GOLPH3: variants seen among roughly 807,000 people sequenced by gnomAD.
GOLPH3 encodes the protein coat protein GPP34.
GOLPH3 carries 14 observed loss-of-function variants against 28.5 expected under a neutral mutation model. That is an observed-to-expected ratio of 0.49 (90% CI 0.32 to 0.77). GOLPH3 has a LOEUF of 0.77. GOLPH3 is among the 30% of genes least tolerant of loss of function. The probability of loss-of-function intolerance (pLI) is 0.03; values close to 1 mark genes in which losing one functional copy is unlikely to be tolerated. For missense variants in GOLPH3, 350 were observed against 393.7 expected (o/e 0.89, Z 0.94); for synonymous variants, 158 against 159.2 (o/e 0.99, Z 0.06).
chr5:32,158,116 AAAT>A lies in GOLPH3; in HGVS notation c.226-14239_226-14237del, dbSNP rs1282480252. On this transcript the variant is annotated intron_variant, in intron 1 of 3. Transcript: ENST00000265070. ...AAAATAAATAAATAAATAAATAAATAAATAAATAAATAAAATACACACACACAC... is the reference window on the plus strand; with the variant it reads ...AAAATAAATAAATAAATAAATAAATAAAATAAATAAAATACACACACACAC... 5.0e-3 allele frequency among the ~76,000 whole-genome samples: 582 copies of A among 117,244 alleles called. 63 individuals are homozygous for A. Among genetic ancestry groups the A allele is most frequent in the African/African-American group, 0.02 (554 of 27,240 alleles). The allele number at this position is 117,244 out of a possible 152,430, so 76.9% of individuals were successfully genotyped here.
intron 3 of GOLPH3, among the ~76,000 whole-genome samples, chr5:32,133,149 T>C (rs1348926725): frequency 1.3e-5 from 2 of 152,258 alleles, no homozygotes; most frequent in East Asian, 3.8e-4. Flanking sequence ...TGTGTTTACA[T>C]ACTTGTGAGA....
At chr5:32,140,863 T>TA (rs1179597874) in intron 2 of GOLPH3, among the ~76,000 whole-genome samples, 1 of 150,882 alleles carries the variant, frequency 6.6e-6, no homozygotes, top group Non-Finnish European at 1.5e-5. Context: ...CGCAACTCTG[T>TA]ATACTAGAAA....
chr5:32,174,068 G>A lies in GOLPH3; in HGVS notation c.-34C>T, dbSNP rs1320285922. On this transcript the variant is annotated 5_prime_UTR_variant, in exon 1 of 4. Coordinates refer to ENST00000265070, the MANE Select transcript of GOLPH3 (RefSeq NM_022130.4). ...CCGAGGCGCCGAGCCGGGCCGAGAG[G>A]GTCGCAGGACCGACCGGGTCGCCCT... 9 of 1,267,310 alleles carry A rather than the reference G, an allele frequency of 7.1e-6. No homozygotes were observed. The highest frequency in any genetic ancestry group is 6.4e-5 in the East Asian group (2 of 31,322). The allele number at this position is 1,267,310 out of a possible 1,614,324, so 78.5% of individuals were successfully genotyped here.
intron 3 of GOLPH3, among the ~76,000 whole-genome samples, chr5:32,129,836 T>C (rs1745784221): frequency 6.6e-6 from 1 of 151,288 alleles, no homozygotes; most frequent in Non-Finnish European, 1.5e-5. Flanking sequence ...CAAAAGTGTG[T>C]AACTTCCACC....
At chr5:32,137,798 T>C (rs1315274193) in intron 2 of GOLPH3, among the ~76,000 whole-genome samples, 1 of 152,226 alleles carries the variant, frequency 6.6e-6, no homozygotes, top group African/African-American at 2.4e-5. Flanking sequence ...TTGGCTAAGC[T>C]ATAAGTTTCT....
At chr5:32,135,208 C>A (rs1745907877) in intron 3 of GOLPH3, among the ~76,000 whole-genome samples, 1 of 152,168 alleles carries the variant, frequency 6.6e-6, no homozygotes, top group South Asian at 2.1e-4. Context: ...GATGAGGTAG[C>A]CTGTGACTGA....
rs1262254333 is a variant in GOLPH3, at chr5:32,135,702, A to G, written c.358-16T>C. The G allele has an allele frequency of 1.4e-6, 2 of 1,464,224 alleles. No homozygotes were observed. The highest frequency in any genetic ancestry group is 1.7e-5 in the Admixed American group (1 of 59,322). The allele number at this position is 1,464,224 out of a possible 1,614,324, so 90.7% of individuals were successfully genotyped here. A position where few individuals can be genotyped will look rare whatever the true frequency, so the allele number is the denominator to read the frequency against. The stretch of plus-strand genomic sequence containing the variant: ...TACAGATTACCTAAAAAGAAAGCAA[A>G]AAGAATGAAAGGATCCACGAATGCC... On this transcript the variant is annotated splice_polypyrimidine_tract_variant and intron_variant, in intron 2 of 3. Coordinates refer to ENST00000265070, the MANE Select transcript of GOLPH3 (RefSeq NM_022130.4).
At chr5:32,150,416 C>T (rs1355529896) in intron 1 of GOLPH3, among the ~76,000 whole-genome samples, 1 of 140,626 alleles carries the variant, frequency 7.1e-6, no homozygotes, top group East Asian at 2.0e-4. Context: ...AATAAAAGTT[C>T]CTAAAGAAAA....
chr5:32,169,926 T>C (rs1244363478), intron 1 of GOLPH3, among the ~76,000 whole-genome samples: 2 of 149,956 alleles, frequency 1.3e-5, no homozygotes, highest in African/African-American at 4.9e-5. Context: ...ACAAATATCA[T>C]TGGTTAAAAA....
chr5:32,161,905 T>C (rs1325926433), intron 1 of GOLPH3, among the ~76,000 whole-genome samples: 4 of 150,920 alleles, frequency 2.7e-5, no homozygotes, highest in Non-Finnish European at 5.9e-5. Flanking sequence ...CGGGCGCCTG[T>C]AGTCCTAGCT....
chr5:32,173,359 C>A (rs1746890680), intron 1 of GOLPH3, among the ~76,000 whole-genome samples: 1 of 151,764 alleles, frequency 6.6e-6, no homozygotes, highest in South Asian at 2.1e-4. Context: ...AAAAAAACAT[C>A]CCCAGCAAGC....
At chr5:32,157,547 C>G (rs577986186) in intron 1 of GOLPH3, among the ~76,000 whole-genome samples, 6 of 152,216 alleles carry the variant, frequency 3.9e-5, no homozygotes, top group Non-Finnish European at 8.8e-5. Context: ...CTGCATTCAA[C>G]TAGCAAAACT....
intron 3 of GOLPH3, among the ~76,000 whole-genome samples, chr5:32,127,516 A>G (rs2111832023): frequency 6.6e-6 from 1 of 152,364 alleles, no homozygotes. Flanking sequence ...TACAGGAGCC[A>G]TTACCCACAT....
At chr5:32,142,889 G>T (rs377047099) in intron 2 of GOLPH3, among the ~76,000 whole-genome samples, 3,933 of 149,520 alleles carry the variant, frequency 0.026, 125 homozygotes, top group East Asian at 0.14. Context: ...GCCTCTGCCC[G>T]GCCGCGCCTA....
At chr5:32,126,708 A>G in intron 3 of GOLPH3, 72 bp from the exon 4 acceptor site, 1 of 1,173,298 alleles carries the variant, frequency 8.5e-7, no homozygotes, top group Non-Finnish European at 1.2e-6. Context: ...TTGTACTATT[A>G]AACAGTAAAA....
intron 1 of GOLPH3, among the ~76,000 whole-genome samples, chr5:32,163,397 C>T (rs1371118167): frequency 3.0e-4 from 45 of 152,144 alleles, no homozygotes; most frequent in Non-Finnish European, 1.9e-4. Context: ...TCTTTGTGGC[C>T]GGGGGCACAG....
chr5:32,154,441 T>G (rs1274780398), intron 1 of GOLPH3, among the ~76,000 whole-genome samples: 1 of 152,266 alleles, frequency 6.6e-6, no homozygotes, highest in East Asian at 1.9e-4. Flanking sequence ...TATTCTGAGA[T>G]ATCTGCAATA....
intron 2 of GOLPH3, among the ~76,000 whole-genome samples, chr5:32,139,701 C>T (rs1029345624): frequency 6.6e-6 from 1 of 152,002 alleles, no homozygotes. Context: ...TTTGGGGGGA[C>T]GGGAACCATT....
Position 32,174,261 on chromosome 5 carries a change from G to A in GOLPH3, c.-227C>T, listed in dbSNP as rs963869567. The A allele has an allele frequency of 3.1e-4, 110 of 358,942 alleles. 1 individual carries two copies. The highest frequency in any genetic ancestry group is 5.0e-6 in the Non-Finnish European group (1 of 201,346). The allele number at this position is 358,942 out of a possible 1,614,324, so 22.2% of individuals were successfully genotyped here. A position where few individuals can be genotyped will look rare whatever the true frequency, so the allele number is the denominator to read the frequency against. ...GAGGAGCGCCTTCCTGCCTGTGGCC[G>A]CAGTCCCCGAAACACCCCGAGCTCC... On this transcript the variant is annotated 5_prime_UTR_variant, in exon 1 of 4. Coordinates refer to ENST00000265070, the MANE Select transcript of GOLPH3 (RefSeq NM_022130.4).
Sources: allele counts gnomAD v4.1 joint callset (sites outside exome capture counted in the v4.1 genomes callset), GRCh38; gene constraint gnomAD v4.1.1; transcripts MANE v1.5; gene names NCBI Gene and HGNC (gene_info 2026-07-23, HGNC 2026-07-21).